CDC27: variants seen among roughly 807,000 people sequenced by gnomAD.
The protein encoded by CDC27 is cell division cycle 27.
In CDC27, 27 loss-of-function variants were observed where a neutral mutation model predicts 109.7. The observed-to-expected ratio is 0.25, with a 90% CI of 0.18 to 0.34. The LOEUF is 0.34. Among genes scored for constraint, CDC27 ranks in the 10% least tolerant of loss-of-function variants. The probability of loss-of-function intolerance (pLI) is 1.00; values close to 1 mark genes in which losing one functional copy is unlikely to be tolerated. For missense variants in CDC27, 579 were observed against 960.2 expected, an observed-to-expected ratio of 0.60 and a Z score of 5.25; for synonymous variants, 266 against 333.9, an observed-to-expected ratio of 0.80 and a Z score of 2.22.
In CDC27 at chr17:47,123,228, A is replaced by C. The variant is rs1244925107; in HGVS notation, c.2236-628T>G. Among the ~76,000 whole-genome samples, 3 of 152,062 alleles carry C rather than the reference A, an allele frequency of 2.0e-5. No homozygotes were observed. In the East Asian group the frequency reaches 5.8e-4, roughly 29 times the overall value. Reference sequence around the variant, plus strand: ...GCTTAATTAACTTTCATTTACAGTGATTTTAAATTGAGTTATATCAACTCT... The same window carrying C: ...GCTTAATTAACTTTCATTTACAGTGCTTTTAAATTGAGTTATATCAACTCT... On this transcript the variant is annotated intron_variant, in intron 17 of 18. Coordinates refer to ENST00000066544, the MANE Select transcript of CDC27 (RefSeq NM_001256.6).
Position 47,132,320 on chromosome 17 carries a change from C to T in CDC27, c.1968G>A (p.Met656Ile), listed in dbSNP as rs199808134. ...TGATATCAAGCGCTTTTTGGAAATGCATTTCTGCAAGGCTGAATTTTTCTT... is the reference window on the plus strand; with the variant it reads ...TGATATCAAGCGCTTTTTGGAAATGTATTTCTGCAAGGCTGAATTTTTCTT... ...YKQEKFSLAE[M>I]HFQKALDINP... Residue 656 changes from methionine to isoleucine, a missense_variant, in exon 15 of 19, where the codon ATG becomes ATA. Transcript: ENST00000066544. The T allele has an allele frequency of 3.7e-6, 6 of 1,607,066 alleles. No homozygotes were observed. In the South Asian group the frequency reaches 5.6e-5, roughly 15 times the overall value.
intron 1 of CDC27, among the ~76,000 whole-genome samples, chr17:47,187,628 T>C (rs1380335273): frequency 1.3e-5 from 2 of 151,904 alleles, no homozygotes; most frequent in African/African-American, 2.4e-5. Flanking sequence ...AGTCTGAAAT[T>C]ATTATTAAAT....
intron 14 of CDC27, among the ~76,000 whole-genome samples, chr17:47,133,045 A>ACC: frequency 1.5e-5 from 1 of 67,728 alleles, no homozygotes; most frequent in Non-Finnish European, 3.0e-5. Context: ...ACACACACAC[A>ACC]CACACACACA....
At chr17:47,174,867 A>C (rs940318179) in intron 2 of CDC27, among the ~76,000 whole-genome samples, 1 of 152,080 alleles carries the variant, frequency 6.6e-6, no homozygotes, top group Non-Finnish European at 1.5e-5. Context: ...GAGGCAGAAC[A>C]ATCACTTAAA....
chr17:47,137,929 C>A (rs946311634), intron 13 of CDC27, among the ~76,000 whole-genome samples: 1 of 151,736 alleles, frequency 6.6e-6, no homozygotes, highest in Non-Finnish European at 1.5e-5. Flanking sequence ...GCCTCCCGAG[C>A]AGCTGGGACC....
rs1330415214 is a variant in CDC27 at position 47,152,925 on chromosome 17, G to A, written c.958-1007C>T. Among the ~76,000 whole-genome samples the A allele has an allele frequency of 2.6e-5, 4 of 152,236 alleles. No homozygotes were observed. The East Asian group carries it at 5.8e-4, about 22-fold the overall frequency. ...TTAGCTACTCTTTCTTTCCCTAGGA[G>A]AGCCTGGTCATTTTAATAGTTTCAA... On this transcript the variant is annotated intron_variant, in intron 8 of 18. Coordinates refer to ENST00000066544, the MANE Select transcript of CDC27 (RefSeq NM_001256.6).
In CDC27 at chr17:47,172,077, A is replaced by AT; in HGVS notation, c.104-14dup. 2.0e-6 allele frequency: 3 copies of AT among 1,531,128 alleles called. No individual in the cohort carries two copies. Among genetic ancestry groups the AT allele is most frequent in the Non-Finnish European group, 2.6e-6 (3 of 1,144,118 alleles). 94.8% of individuals were successfully genotyped at this position (1,531,128 alleles called of 1,614,324 possible). ...TCTTCTGAGTGTACTAAAAACAGAC[A>AT]TTTTTTAAAAAGGCTATTGTTCAGT... On this transcript the variant is annotated splice_polypyrimidine_tract_variant and intron_variant, in intron 2 of 18. Transcript: ENST00000066544.
Position 47,138,721 on chromosome 17 carries a change from G to A in CDC27, c.1704+18C>T, listed in dbSNP as rs773903629. ...TCAAAAAGGTAACTATATAAGCAAA[G>A]TATTTTGGTTAACATACCTCTGGCG... On this transcript the variant is annotated intron_variant, in intron 13 of 18. Transcript: ENST00000066544. The A allele has an allele frequency of 1.3e-6, 2 of 1,585,470 alleles. No homozygotes were observed. Among genetic ancestry groups the A allele is most frequent in the African/African-American group, 2.7e-5 (2 of 74,252 alleles).
chr17:47,151,697 TA>T, intron 9 of CDC27, 108 bp downstream of exon 9: 1 of 802,922 alleles, frequency 1.2e-6, no homozygotes, highest in Non-Finnish European at 1.8e-6. Context: ...CTTCAAAATT[TA>T]CAGTAGTTAT....
At chr17:47,130,411 C>CTGTTT (rs910969150) in intron 15 of CDC27, among the ~76,000 whole-genome samples, 13 of 151,984 alleles carry the variant, frequency 8.6e-5, no homozygotes, top group Admixed American at 6.5e-4. Flanking sequence ...AATGATTTTA[C>CTGTTT]TGTTTTACAT....
At chr17:47,167,433 A>G (rs1184196176) in intron 4 of CDC27, among the ~76,000 whole-genome samples, 1 of 152,070 alleles carries the variant, frequency 6.6e-6, no homozygotes, top group African/African-American at 2.4e-5. Context: ...TTGAACATCT[A>G]TTTTCCTCTG....
chr17:47,182,888 C>A (rs575199479), intron 1 of CDC27, among the ~76,000 whole-genome samples: 1 of 151,906 alleles, frequency 6.6e-6, no homozygotes, highest in Non-Finnish European at 1.5e-5. Context: ...CAGCCTATCA[C>A]GGTGGTGTGA....
chr17:47,136,991 T>C lies in CDC27; in HGVS notation c.1913+161A>G, dbSNP rs539109496. On this transcript the variant is annotated intron_variant, in intron 14 of 18. Coordinates refer to ENST00000066544, the MANE Select transcript of CDC27 (RefSeq NM_001256.6). ...TTTAAGAGTTTGTTAAAGACGTACA[T>C]TTCATAAGAAAACATTTTAGTTAGA... 2.6e-5 allele frequency among the ~76,000 whole-genome samples: 4 copies of C among 152,364 alleles called. No homozygotes were observed. The South Asian group carries it at 8.3e-4, about 32-fold the overall frequency.
intron 2 of CDC27, among the ~76,000 whole-genome samples, chr17:47,178,134 T>C (rs1018438633): frequency 6.6e-6 from 1 of 152,194 alleles, no homozygotes; most frequent in East Asian, 1.9e-4. Flanking sequence ...AAATCTCAAC[T>C]CACTAGTGGA....
chr17:47,120,769 C>T lies in CDC27; in HGVS notation c.*166G>A, dbSNP rs2061962290. ...TTGTTAGCAGCTAAATATTGCACTG[C>T]CTTTCATTCTGTATACAGTCAGGGT... On this transcript the variant is annotated 3_prime_UTR_variant, in exon 19 of 19. Coordinates refer to ENST00000066544, the MANE Select transcript of CDC27 (RefSeq NM_001256.6). The T allele has an allele frequency of 3.7e-6, 2 of 535,932 alleles. No individual in the cohort carries two copies. The highest frequency in any genetic ancestry group is 1.9e-5 in the African/African-American group (1 of 52,054). 33.2% of individuals were successfully genotyped at this position (535,932 alleles called of 1,614,324 possible).
chr17:47,158,034 T>C (rs577204436), intron 5 of CDC27, among the ~76,000 whole-genome samples, 172 bp downstream of exon 5: 4 of 152,372 alleles, frequency 2.6e-5, no homozygotes, highest in East Asian at 1.9e-4. Flanking sequence ...TTTTCAGTTA[T>C]ATGATTCTTG....
At chr17:47,134,238 A>C (rs907449077) in intron 14 of CDC27, among the ~76,000 whole-genome samples, 8 of 151,964 alleles carry the variant, frequency 5.3e-5, no homozygotes, top group Non-Finnish European at 8.8e-5. Context: ...AAGCAAAAAC[A>C]ATCAAATCAA....
rs190133624 is a variant in CDC27 at position 47,125,103 on chromosome 17, G to T, written c.2161-1143C>A. Among the ~76,000 whole-genome samples, 369 of 151,788 alleles carry T rather than the reference G, an allele frequency of 2.4e-3. 1 individual carries two copies. Among genetic ancestry groups the T allele is most frequent in the Non-Finnish European group, 4.1e-3 (278 of 67,920 alleles). ...CTAATTTTGTTTTGTATTTTTAGTA[G>T]AGATGGGGTTTCACTAAAGTTGCCC... On this transcript the variant is annotated intron_variant, in intron 16 of 18. Coordinates refer to ENST00000066544, the MANE Select transcript of CDC27 (RefSeq NM_001256.6).
At chr17:47,140,439 A>G (rs2062760436) in intron 12 of CDC27, among the ~76,000 whole-genome samples, 1 of 152,180 alleles carries the variant, frequency 6.6e-6, no homozygotes, top group Non-Finnish European at 1.5e-5. Context: ...GCATGGTAAC[A>G]AGATAAAAGA....
Sources: gnomAD v4.1 joint callset for allele counts (sites outside exome capture counted in the v4.1 genomes callset) on GRCh38, gnomAD v4.1.1 for gene constraint, MANE v1.5 for transcripts, NCBI Gene and HGNC (gene_info 2026-07-23, HGNC 2026-07-21) for gene names.